Variants in EVC observed in about 807,000 individuals in gnomAD.
EVC encodes EvC ciliary complex subunit 1.
In EVC, 116 loss-of-function variants were observed where a neutral mutation model predicts 118.9. The observed-to-expected ratio is 0.98, with a 90% CI of 0.84 to 1.14. The LOEUF (loss-of-function observed/expected upper bound fraction) is 1.14, where lower values mean the gene tolerates loss of function less well. Ranked by LOEUF, EVC falls within the 50% of genes most tolerant of loss-of-function variation. The pLI is 0.00. For missense variants in EVC, 1,401 were observed against 1,246.4 expected, an observed-to-expected ratio of 1.12 and a Z score of -1.87; for synonymous variants, 619 against 534.7, an observed-to-expected ratio of 1.16 and a Z score of -2.18.
chr4:5,726,465 G>T (rs1279009069), intron 2 of EVC, among the ~76,000 whole-genome samples: 3 of 152,002 alleles, frequency 2.0e-5, no homozygotes, highest in Non-Finnish European at 4.4e-5. Context: ...AGTCCATCCA[G>T]CTTCTTATTA....
Position 5,745,391 on chromosome 4 carries a change from G to A in EVC, c.939+50G>A, listed in dbSNP as rs144142557. 1,142 of 1,594,852 alleles carry A rather than the reference G, an allele frequency of 7.2e-4. 12 individuals are homozygous for A. In the African/African-American group the frequency reaches 0.013, roughly 19 times the overall value. On this transcript the variant is annotated intron_variant, in intron 7 of 20. Transcript: ENST00000264956. ...TACACAAATTTTGGTTCCTAAAACA[G>A]TTAAATTGGCTACATTAGAGAGATG...
At chr4:5,827,680 A>G in the EVC span, among the ~76,000 whole-genome samples, 2 of 151,918 alleles carry the variant, frequency 1.3e-5, no homozygotes, top group African/African-American at 4.8e-5. Flanking sequence ...ACACACGTGC[A>G]TGCATGTACA....
At chr4:5,795,577 C>T (rs1713794597) in intron 13 of EVC, among the ~76,000 whole-genome samples, 1 of 152,168 alleles carries the variant, frequency 6.6e-6, no homozygotes, top group African/African-American at 2.4e-5. Context: ...GCTTGAGCCC[C>T]AGAGGCGGAG....
At position 5,755,180 on chromosome 4, in the gene EVC, A is replaced by T. The variant is rs1411898958; in HGVS notation, c.1465-1084A>T. Among the ~76,000 whole-genome samples, 3 of 152,308 alleles carry T rather than the reference A, an allele frequency of 2.0e-5. No homozygotes were observed. The highest frequency in any genetic ancestry group is 3.9e-4 in the East Asian group (2 of 5,164). ...GAGACCCATTTGAAATAAGAGGAAG[A>T]TAAGGCTATTCAGCTCCTCGTTATT... On this transcript the variant is annotated intron_variant, in intron 10 of 20. Coordinates refer to ENST00000264956, the MANE Select transcript of EVC (RefSeq NM_153717.3). The surrounding 1 kb of genome is among the most constrained non-coding windows in gnomAD (Gnocchi z 4.1).
intron 11 of EVC, among the ~76,000 whole-genome samples, chr4:5,768,441 C>G (rs1322704696): frequency 2.0e-5 from 3 of 152,092 alleles, no homozygotes; most frequent in Non-Finnish European, 4.4e-5. Context: ...TTTGGACGAT[C>G]AATATCCCAC....
chr4:5,768,293 C>G (rs138860531), intron 11 of EVC, among the ~76,000 whole-genome samples: 1 of 152,178 alleles, frequency 6.6e-6, no homozygotes, highest in East Asian at 1.9e-4. Context: ...TTTACAAGGA[C>G]CAGTGTGGTT....
intron 17 of EVC, among the ~76,000 whole-genome samples, chr4:5,807,261 G>A (rs139563886): frequency 6.6e-6 from 1 of 152,302 alleles, no homozygotes; most frequent in African/African-American, 2.4e-5. Context: ...GAGGGAGGGA[G>A]GAATGGAGTG....
Position 5,798,471 on chromosome 4 carries a change from C to A in EVC, c.2098-115C>A. On this transcript the variant is annotated intron_variant, in intron 14 of 20. Transcript: ENST00000264956. The surrounding 1 kb of genome is among the most constrained non-coding windows in gnomAD (Gnocchi z 4.1). Reference sequence around the variant, plus strand: ...AGGCCACCTCTTTCTGCCCTTTCTCCATCCCTTTTCCAACCCCTGGGCCCT... The same window carrying A: ...AGGCCACCTCTTTCTGCCCTTTCTCAATCCCTTTTCCAACCCCTGGGCCCT... The A allele has an allele frequency of 9.4e-7, 1 of 1,061,868 alleles. No homozygotes were observed. The allele number at this position is 1,061,868 out of a possible 1,614,324, so 65.8% of individuals were successfully genotyped here. A position where few individuals can be genotyped will look rare whatever the true frequency, so the allele number is the denominator to read the frequency against.
At chr4:5,776,737 A>AT (rs1734770576) in intron 11 of EVC, among the ~76,000 whole-genome samples, 1 of 151,888 alleles carries the variant, frequency 6.6e-6, no homozygotes, top group African/African-American at 2.4e-5. Flanking sequence ...CTTCTGATCT[A>AT]TTTTCCAGTG....
chr4:5,762,588 GC>G, intron 11 of EVC, among the ~76,000 whole-genome samples: 1 of 149,366 alleles, frequency 6.7e-6, no homozygotes, highest in South Asian at 2.2e-4. Context: ...TTTAATGATT[GC>G]CATTCTGACT....
At chr4:5,747,301 G>A (rs1327578691) in intron 7 of EVC, among the ~76,000 whole-genome samples, 1 of 152,090 alleles carries the variant, frequency 6.6e-6, no homozygotes, top group African/African-American at 2.4e-5. Context: ...GCCCAGTCCA[G>A]CCAGAAGTGT....
chr4:5,800,882 A>G (rs1375438772), intron 15 of EVC, among the ~76,000 whole-genome samples: 6 of 152,192 alleles, frequency 3.9e-5, no homozygotes, highest in Non-Finnish European at 8.8e-5. Context: ...GTGCTCAGGT[A>G]CCTTTCTCAG....
At chr4:5,827,674 ACGTG>A in the EVC span, among the ~76,000 whole-genome samples, 2 of 151,658 alleles carry the variant, frequency 1.3e-5, no homozygotes, top group African/African-American at 2.4e-5. Flanking sequence ...ACACATACAC[ACGTG>A]CATGCATGTA....
At chr4:5,793,859 C>G in intron 13 of EVC, 142 bp downstream of exon 13, 1 of 714,708 alleles carries the variant, frequency 1.4e-6, no homozygotes, top group Non-Finnish European at 2.5e-6. Flanking sequence ...TTCTTAGCCT[C>G]GATTTCCTCA....
chr4:5,713,844 A>G (rs1301518948), intron 1 of EVC, among the ~76,000 whole-genome samples: 1 of 152,204 alleles, frequency 6.6e-6, no homozygotes, highest in African/African-American at 2.4e-5. Flanking sequence ...TGGAGGTTGC[A>G]GTGAGCCAAG....
At chr4:5,727,098 G>T (rs1725977111) in intron 2 of EVC, among the ~76,000 whole-genome samples, 1 of 152,128 alleles carries the variant, frequency 6.6e-6, no homozygotes, top group South Asian at 2.1e-4. Context: ...GTAATGGGGT[G>T]GCTGGGTCAA....
At chr4:5,766,636 C>T (rs1274640742) in intron 11 of EVC, among the ~76,000 whole-genome samples, 17 of 139,340 alleles carry the variant, frequency 1.2e-4, no homozygotes, top group Admixed American at 2.2e-4. Context: ...CTTCCCTTCT[C>T]GCTTCATTTC....
In EVC at chr4:5,781,332, G is replaced by A. The variant is rs146873674; in HGVS notation, c.1564-2220G>A. 3.6e-3 allele frequency among the ~76,000 whole-genome samples: 542 copies of A among 152,266 alleles called. 5 individuals are homozygous for A. The highest frequency in any genetic ancestry group is 0.012 in the African/African-American group (494 of 41,558). ...AGCGCGACAAAGCCGCTATCTCAGG[G>A]AGCTGTGGTCTAGGGGAATGACAGA... On this transcript the variant is annotated intron_variant, in intron 11 of 20. Coordinates refer to ENST00000264956, the MANE Select transcript of EVC (RefSeq NM_153717.3).
chr4:5,766,037 T>C (rs6852385), intron 11 of EVC, among the ~76,000 whole-genome samples: 1 of 123,620 alleles, frequency 8.1e-6, no homozygotes, highest in Non-Finnish European at 1.7e-5. Flanking sequence ...TGCAGCGGCT[T>C]GTACCGGTTG....
Sources: gnomAD v4.1 joint callset for allele counts (sites outside exome capture counted in the v4.1 genomes callset) on GRCh38, gnomAD v4.1.1 for gene constraint, Gnocchi (gnomAD v3.1) non-coding constraint, MANE v1.5 for transcripts, NCBI Gene and HGNC (gene_info 2026-07-23, HGNC 2026-07-21) for gene names.